SPG11: variants seen among roughly 807,000 people sequenced by gnomAD.
The protein encoded by SPG11 is spatacsin.
Under a neutral mutation model 274.0 loss-of-function variants are expected in SPG11, and 222 were observed. The ratio of observed to expected loss-of-function variants is 0.81; its 90% CI spans 0.73 to 0.91. SPG11 has a LOEUF of 0.91. Ranked by LOEUF, SPG11 falls within the 40% of genes least tolerant of loss-of-function variation. The probability of loss-of-function intolerance (pLI) is 0.00; values close to 1 mark genes in which losing one functional copy is unlikely to be tolerated. For missense variants in SPG11, 3,114 were observed against 2,872.7 expected, an observed-to-expected ratio of 1.08 and a Z score of -1.92; for synonymous variants, 1,144 against 1,039.7, an observed-to-expected ratio of 1.10 and a Z score of -1.93.
At chr15:44,575,366 T>C (rs1017330825) in intron 30 of SPG11, 12 of 281,016 alleles carry the variant, frequency 4.3e-5, no homozygotes, top group Middle Eastern at 1.2e-3. Flanking sequence ...TCACCAAGTA[T>C]AGCTGACTAT....
In SPG11 at chr15:44,622,249, T is replaced by C; in HGVS notation, c.2415A>G (p.Gln805=). 1 of 1,612,602 alleles carries C rather than the reference T, an allele frequency of 6.2e-7. No individual in the cohort carries two copies. Among genetic ancestry groups the C allele is most frequent in the African/African-American group, 1.3e-5 (1 of 75,026 alleles). Residue 805 remains glutamine, a synonymous_variant, in exon 13 of 40, where the codon CAA becomes CAG. Transcript: ENST00000261866. The stretch of plus-strand genomic sequence containing the variant: ...GAAATGACTGGATTTGCATATTTTC[T>C]TGGAAATGTCCCAAATAAAGCTTCT... ...QVEKLYLGHF[Q]ENMQIQSFPR... is the part of the protein sequence containing the mutation.
intron 30 of SPG11, among the ~76,000 whole-genome samples, chr15:44,576,414 T>C (rs1379209792): frequency 2.6e-5 from 4 of 151,666 alleles, no homozygotes; most frequent in Non-Finnish European, 5.9e-5. Flanking sequence ...TTTGGGAGGC[T>C]GAGGTGGGCG....
At chr15:44,574,423 C>T (rs1364714645) in intron 31 of SPG11, among the ~76,000 whole-genome samples, 3 of 152,136 alleles carry the variant, frequency 2.0e-5, no homozygotes, top group Admixed American at 1.3e-4. Flanking sequence ...TTCTCCAAGA[C>T]GAGGGCTTTA....
chr15:44,572,777 A>C lies in SPG11; in HGVS notation c.6249T>G (p.Phe2083Leu). The change falls in exon 33 of 40, where the codon TTT becomes TTG. Residue 2083 changes from phenylalanine (F) to leucine (L), a missense_variant. By Grantham distance (22) the Phe-to-Leu change is conservative (BLOSUM62 0). Transcript: ENST00000261866. ...MFNPTEESQTFLQLTTLCQDR... is the reference protein window; with the variant it reads ...MFNPTEESQTLLQLTTLCQDR... ...CTTGACACAGAGTGGTCAGCTGAAG[A>C]AATGTCTGGCTTTCCTCTGTTGGGT... 6.2e-7 allele frequency: 1 copy of C among 1,614,062 alleles called. No individual in the cohort carries two copies. Among genetic ancestry groups the C allele is most frequent in the South Asian group, 1.1e-5 (1 of 91,080 alleles).
intron 27 of SPG11, chr15:44,590,817 T>G (rs1308540394): frequency 6.6e-6 from 1 of 152,218 alleles, no homozygotes; most frequent in Non-Finnish European, 1.5e-5. Context: ...TGCCTAGTGC[T>G]GAGTTAGGCC....
Position 44,651,756 on chromosome 15 carries a change from A to C in SPG11, c.1191T>G (p.Asn397Lys). ...TCTTGGCATGATCTTTCTGTAGAAC[A>C]TTATATTGCCCATGCATTATGTCCT... ...IPQDIMHGQY[N>K]VLQKDHAKTS... The change falls in exon 6 of 40, where the codon AAT (asparagine) becomes AAG (lysine). Residue 397 changes from asparagine (N) to lysine (K), a missense_variant. Asn to Lys is a moderately conservative substitution (Grantham distance 94). Coordinates refer to ENST00000261866, the MANE Select transcript of SPG11 (RefSeq NM_025137.4). 6.2e-7 allele frequency: 1 copy of C among 1,614,228 alleles called. No individual in the cohort carries two copies. Among genetic ancestry groups the C allele is most frequent in the South Asian group, 1.1e-5 (1 of 91,088 alleles).
intron 8 of SPG11, among the ~76,000 whole-genome samples, chr15:44,631,071 T>C (rs2084047511): frequency 6.6e-6 from 1 of 152,196 alleles, no homozygotes; most frequent in African/African-American, 2.4e-5. Flanking sequence ...TCAAGGTGTT[T>C]AAAAATATAA....
chr15:44,582,240 T>G (rs948213256), intron 30 of SPG11, among the ~76,000 whole-genome samples: 4 of 151,974 alleles, frequency 2.6e-5, no homozygotes, highest in Admixed American at 2.6e-4. Context: ...ATTACCTTGA[T>G]ACAAAAACCA....
intron 18 of SPG11, 134 bp from the exon 19 acceptor site, chr15:44,608,739 T>C (rs984240937): frequency 7.7e-6 from 6 of 782,126 alleles, no homozygotes; most frequent in African/African-American, 3.5e-5. Flanking sequence ...ATTAGACAAG[T>C]AGTCATAAGT....
intron 6 of SPG11, among the ~76,000 whole-genome samples, chr15:44,650,834 G>A (rs55812167): frequency 5.3e-5 from 8 of 151,946 alleles, no homozygotes; most frequent in Non-Finnish European, 1.2e-4. Flanking sequence ...TGCAACCTCC[G>A]CCTCCCAGGT....
chr15:44,604,343 C>T (rs1277270597), intron 20 of SPG11: 1 of 251,782 alleles, frequency 4.0e-6, no homozygotes, highest in African/African-American at 2.3e-5. Flanking sequence ...ACTTTGACAA[C>T]TTGTAATTAC....
At position 44,585,786 on chromosome 15, in the gene SPG11, A is replaced by G; in HGVS notation, c.4971T>C (p.Asn1657=). The G allele has an allele frequency of 6.2e-7, 1 of 1,614,082 alleles. No individual in the cohort carries two copies. Among genetic ancestry groups the G allele is most frequent in the Non-Finnish European group, 8.5e-7 (1 of 1,179,994 alleles). Residue 1657 remains asparagine (N), a synonymous_variant, in exon 29 of 40, where the codon AAT becomes AAC. Coordinates refer to ENST00000261866, the MANE Select transcript of SPG11 (RefSeq NM_025137.4). ...QILKDTSIAI[N]HTIITSYSIE... ...TGCTGTAGCTGGTAATAATTGTATG[A>G]TTAATGGCTATGGATGTATCCTTCA...
intron 36 of SPG11, 58 bp downstream of exon 36, chr15:44,567,366 A>G (rs946339877): frequency 1.3e-4 from 205 of 1,565,562 alleles, no homozygotes; most frequent in Non-Finnish European, 1.7e-4. Context: ...AAAAAAAAAA[A>G]AGGAATTTTA....
Position 44,598,324 on chromosome 15 carries a change from T to A in SPG11, c.3942A>T (p.Glu1314Asp), listed in dbSNP as rs1170738311. ...LADGEKTTTE[E>D]LLVLLEEGTW... ...TACCTTCTTCTAAGAGAACAAGCAA[T>A]TCTTCTGTGGTTGTCTTTTCACCAT... Residue 1314 changes from glutamate (E) to aspartate (D), a missense_variant, in exon 23 of 40, where the codon GAA (glutamate) becomes GAT (aspartate). Physicochemically the swap from Glu to Asp is conservative, Grantham distance 45. Transcript: ENST00000261866. 1 of 1,614,142 alleles carries A rather than the reference T, an allele frequency of 6.2e-7. No individual in the cohort carries two copies. Among genetic ancestry groups the A allele is most frequent in the East Asian group, 2.2e-5 (1 of 44,882 alleles).
At position 44,569,185 on chromosome 15, in the gene SPG11, G is replaced by GA. The variant is rs535414227; in HGVS notation, c.6585+212dup. On this transcript the variant is annotated intron_variant, in intron 35 of 39. Coordinates refer to ENST00000261866, the MANE Select transcript of SPG11 (RefSeq NM_025137.4). ...GTCTCAAAAAAAAAAAAAAGAAAAA[G>GA]AAAAAAAAAATATATGGCATCAGCA... Among the ~76,000 whole-genome samples, 447 of 145,050 alleles carry GA rather than the reference G, an allele frequency of 3.1e-3. 4 individuals carry two copies. The highest frequency in any genetic ancestry group is 8.5e-3 in the African/African-American group (326 of 38,426).
chr15:44,588,190 T>TA (rs1304674867), intron 28 of SPG11, among the ~76,000 whole-genome samples: 2 of 151,444 alleles, frequency 1.3e-5, no homozygotes, highest in Non-Finnish European at 2.9e-5. Flanking sequence ...TATCATTCAA[T>TA]AAAAAACTTG....
At chr15:44,655,938 T>C (rs2084927509) in intron 4 of SPG11, among the ~76,000 whole-genome samples, 1 of 152,210 alleles carries the variant, frequency 6.6e-6, no homozygotes, top group Non-Finnish European at 1.5e-5. Flanking sequence ...TAAAATATCT[T>C]ACTGTATGTA....
intron 6 of SPG11, among the ~76,000 whole-genome samples, chr15:44,650,291 G>C (rs1404390182): frequency 6.6e-6 from 1 of 152,108 alleles, no homozygotes; most frequent in African/African-American, 2.4e-5. Context: ...GGCCAAGCCG[G>C]GATGATCACT....
At position 44,584,058 on chromosome 15, in the gene SPG11, C is replaced by T; in HGVS notation, c.5622G>A (p.Glu1874=). The T allele has an allele frequency of 3.7e-6, 6 of 1,614,246 alleles. No individual in the cohort carries two copies. Among genetic ancestry groups the T allele is most frequent in the South Asian group, 1.1e-5 (1 of 91,090 alleles). ...CAATCAAAAAGTTTAGTGACTCCTG[C>T]TCTTTCCAATCCAATCTATTCTCGC... ...ETCENRLDWK[E]QESLNFLIGR... The change falls in exon 30 of 40, where the codon GAG becomes GAA. Residue 1874 remains glutamate, a synonymous_variant. Coordinates refer to ENST00000261866, the MANE Select transcript of SPG11 (RefSeq NM_025137.4).
Sources: allele counts gnomAD v4.1 joint callset (sites outside exome capture counted in the v4.1 genomes callset), GRCh38; gene constraint gnomAD v4.1.1; transcripts MANE v1.5; gene names NCBI Gene and HGNC (gene_info 2026-07-23, HGNC 2026-07-21).